The following PTPRM variants were observed in gnomAD, a reference collection of about 807,000 sequenced individuals.
The protein encoded by PTPRM is protein tyrosine phosphatase receptor type M.
Under a neutral mutation model 186.7 loss-of-function variants are expected in PTPRM, and 47 were observed. The observed-to-expected ratio is 0.25, with a 90% CI of 0.20 to 0.32. The LOEUF (loss-of-function observed/expected upper bound fraction) is 0.32. Among genes scored for constraint, PTPRM ranks in the 10% least tolerant of loss-of-function variants. PTPRM has a pLI of 1.00. For synonymous variants in PTPRM, 668 were observed against 674.9 expected (o/e 0.99, Z 0.16); for missense variants, 1,494 against 1,865.0 (o/e 0.80, Z 3.66).
intron 1 of PTPRM, among the ~76,000 whole-genome samples, chr18:7,573,073 T>C (rs1567961216): frequency 6.6e-6 from 1 of 152,144 alleles, no homozygotes; most frequent in Admixed American, 6.5e-5. Context: ...GCCCCCATCA[T>C]TGGTGAGGAG....
At chr18:8,069,404 G>T (rs2089318371) in intron 7 of PTPRM, among the ~76,000 whole-genome samples, 1 of 152,158 alleles carries the variant, frequency 6.6e-6, no homozygotes, top group Non-Finnish European at 1.5e-5. Flanking sequence ...GTGAGCCCCT[G>T]CCTTTTAAGA....
intron 13 of PTPRM, among the ~76,000 whole-genome samples, chr18:8,128,747 C>G (rs180679029): frequency 6.6e-6 from 1 of 152,020 alleles, no homozygotes; most frequent in South Asian, 2.1e-4. Context: ...ATTTCAGAAA[C>G]AATATATTTT....
chr18:7,713,894 C>T (rs1389461430), intron 1 of PTPRM, among the ~76,000 whole-genome samples: 1 of 152,014 alleles, frequency 6.6e-6, no homozygotes, highest in Non-Finnish European at 1.5e-5. Flanking sequence ...TGGAGACCTT[C>T]AAAGAGACTT....
chr18:8,223,199 G>A (rs1347112956), intron 14 of PTPRM, among the ~76,000 whole-genome samples: 1 of 152,170 alleles, frequency 6.6e-6, no homozygotes, highest in Non-Finnish European at 1.5e-5. Flanking sequence ...ACTCCAGCCT[G>A]GGAGACAGAG....
At chr18:8,224,606 G>A (rs2094191578) in intron 14 of PTPRM, among the ~76,000 whole-genome samples, 1 of 152,192 alleles carries the variant, frequency 6.6e-6, no homozygotes, top group African/African-American at 2.4e-5. Context: ...AAAAGTAACA[G>A]AGACCTGGAT....
intron 1 of PTPRM, among the ~76,000 whole-genome samples, chr18:7,616,910 T>G (rs2037819372): frequency 6.6e-6 from 1 of 152,146 alleles, no homozygotes; most frequent in African/African-American, 2.4e-5. Flanking sequence ...GCTTCCTTAG[T>G]GCTTCCACAT....
chr18:7,777,735 T>C (rs571994592), intron 2 of PTPRM, among the ~76,000 whole-genome samples: 1 of 152,330 alleles, frequency 6.6e-6, no homozygotes, highest in Non-Finnish European at 1.5e-5. Flanking sequence ...AAAAACATGA[T>C]TAGAGATTTC....
At chr18:8,224,192 G>A (rs1380219004) in intron 14 of PTPRM, among the ~76,000 whole-genome samples, 2 of 151,992 alleles carry the variant, frequency 1.3e-5, no homozygotes, top group Admixed American at 1.3e-4. Flanking sequence ...GTACATTGCA[G>A]GAAATGTCTT....
At position 8,216,109 on chromosome 18, in the gene PTPRM, T is replaced by G. The variant is rs539962011; in HGVS notation, c.2301-27949T>G. ...TGGTTTTGTTGCAAAAACCCGTATT[T>G]CTTTAATTTTTTTTATTTTTTCCCT... On this transcript the variant is annotated intron_variant, in intron 14 of 32. Transcript: ENST00000580170. 2.6e-5 allele frequency among the ~76,000 whole-genome samples: 4 copies of G among 152,338 alleles called. No homozygotes were observed. In the South Asian group the frequency reaches 8.3e-4, roughly 32 times the overall value.
At chr18:7,607,842 T>C (rs2037572732) in intron 1 of PTPRM, among the ~76,000 whole-genome samples, 1 of 152,246 alleles carries the variant, frequency 6.6e-6, no homozygotes, top group Non-Finnish European at 1.5e-5. Context: ...GCCCCCACAC[T>C]GAACACGATT....
At chr18:8,244,916 G>A (rs755369500) in intron 15 of PTPRM, among the ~76,000 whole-genome samples, 6 of 152,160 alleles carry the variant, frequency 3.9e-5, no homozygotes, top group South Asian at 2.1e-4. Flanking sequence ...GTTCAAGGTC[G>A]GGGGTTTCTT....
At chr18:8,337,712 C>A (rs991404874) in intron 22 of PTPRM, among the ~76,000 whole-genome samples, 1 of 152,148 alleles carries the variant, frequency 6.6e-6, no homozygotes, top group African/African-American at 2.4e-5. Context: ...GACTGCTCAG[C>A]TGAAACCAGC....
At chr18:8,016,535 A>AG (rs2084875858) in intron 7 of PTPRM, among the ~76,000 whole-genome samples, 1 of 151,446 alleles carries the variant, frequency 6.6e-6, no homozygotes, top group Admixed American at 6.6e-5. Flanking sequence ...TCTGTCAAAA[A>AG]AAAAAAAAAA....
At chr18:7,599,741 C>G (rs1196384892) in intron 1 of PTPRM, among the ~76,000 whole-genome samples, 3 of 152,118 alleles carry the variant, frequency 2.0e-5, no homozygotes, top group African/African-American at 7.2e-5. Flanking sequence ...ATAGAAAGCC[C>G]TCTTGAGGGA....
At chr18:7,755,582 T>C (rs566495973) in intron 1 of PTPRM, among the ~76,000 whole-genome samples, 25 of 152,226 alleles carry the variant, frequency 1.6e-4, no homozygotes, top group Non-Finnish European at 3.1e-4. Flanking sequence ...TATTTTGTGC[T>C]ATGTGTGTCA....
Position 8,001,489 on chromosome 18 carries a change from C to G in PTPRM, c.1132+46075C>G, listed in dbSNP as rs1375799413. The stretch of plus-strand genomic sequence containing the variant: ...GCTGCTGAGAGATTGGACTGCCACT[C>G]AGGCTAAAGGTTTTCTGGTGCTAGA... On this transcript the variant is annotated intron_variant, in intron 7 of 32. Coordinates refer to ENST00000580170, the MANE Select transcript of PTPRM (RefSeq NM_001105244.2). Among the ~76,000 whole-genome samples, 3 of 151,754 alleles carry G rather than the reference C, an allele frequency of 2.0e-5. No homozygotes were observed. The South Asian group carries it at 6.3e-4, about 32-fold the overall frequency.
chr18:8,233,016 A>G (rs2147172906), intron 14 of PTPRM, among the ~76,000 whole-genome samples: 2 of 152,278 alleles, frequency 1.3e-5, no homozygotes, highest in East Asian at 1.9e-4. Context: ...TCAGGAGATA[A>G]CTTCAAGGAG....
chr18:8,128,164 T>C (rs2092418496), intron 13 of PTPRM, among the ~76,000 whole-genome samples: 1 of 152,188 alleles, frequency 6.6e-6, no homozygotes, highest in Non-Finnish European at 1.5e-5. Context: ...AAAAGATGGC[T>C]AAACTCTTCA....
intron 13 of PTPRM, among the ~76,000 whole-genome samples, chr18:8,117,640 G>A (rs2092006379): frequency 6.6e-6 from 1 of 152,066 alleles, no homozygotes; most frequent in Non-Finnish European, 1.5e-5. Context: ...CCATACGTGT[G>A]GGGGATTGCC....
Sources: gnomAD v4.1 joint callset for allele counts (sites outside exome capture counted in the v4.1 genomes callset) on GRCh38, gnomAD v4.1.1 for gene constraint, MANE v1.5 for transcripts, NCBI Gene and HGNC (gene_info 2026-07-23, HGNC 2026-07-21) for gene names.